The following COL4A4 variants were observed in gnomAD, a reference collection of about 807,000 sequenced individuals.
COL4A4 encodes collagen type IV alpha 4 chain, also known as collagen alpha-4(IV) chain.
A neutral mutation model predicts 192.9 loss-of-function variants in COL4A4; 105 were observed. That is an observed-to-expected ratio of 0.54 (90% CI 0.46 to 0.64). The LOEUF is 0.64. Ranked by LOEUF, COL4A4 falls within the 30% of genes least tolerant of loss-of-function variation. The pLI is 0.00. For synonymous variants in COL4A4, 762 were observed against 769.9 expected, an observed-to-expected ratio of 0.99 and a Z score of 0.17; for missense variants, 1,967 against 2,169.3, an observed-to-expected ratio of 0.91 and a Z score of 1.85.
chr2:226,995,647 C>T, the COL4A4 span: 8 of 706,888 alleles, frequency 1.1e-5, no homozygotes, highest in Admixed American at 2.3e-5. Context: ...TGCTCCAGAT[C>T]GCTCACATCA....
At chr2:227,015,688 C>A (rs1045241898) in intron 44 of COL4A4, among the ~76,000 whole-genome samples, 5 of 152,116 alleles carry the variant, frequency 3.3e-5, no homozygotes, top group Non-Finnish European at 7.3e-5. Flanking sequence ...GAGCAGCTGG[C>A]AGCAAACCAA....
chr2:227,008,280 A>G lies in COL4A4; in HGVS notation c.4547T>C (p.Val1516Ala), dbSNP rs748815893. The G allele has an allele frequency of 1.9e-6, 3 of 1,614,164 alleles. No individual in the cohort carries two copies. The highest frequency in any genetic ancestry group is 1.1e-5 in the South Asian group (1 of 91,078). ...DLGLAGSCLP[V>A]FSTLPFAYCN... ...GTAGGCAAAGGGCAGCGTGCTAAATACGGGAAGGCAAGACCCTGCCAGACC... is the reference window on the plus strand; with the variant it reads ...GTAGGCAAAGGGCAGCGTGCTAAATGCGGGAAGGCAAGACCCTGCCAGACC... Residue 1516 changes from valine to alanine, a missense_variant, in exon 47 of 48, where the codon GTA becomes GCA. Val to Ala is a moderately conservative substitution (Grantham distance 64). Coordinates refer to ENST00000396625, the MANE Select transcript of COL4A4 (RefSeq NM_000092.5).
chr2:227,084,419 G>A (rs2059478348), intron 22 of COL4A4, among the ~76,000 whole-genome samples: 2 of 152,150 alleles, frequency 1.3e-5, no homozygotes, highest in Admixed American at 1.3e-4. Flanking sequence ...GTATTACTCA[G>A]CACATTGGAG....
At chr2:227,145,122 A>G (rs571049419) in intron 2 of COL4A4, among the ~76,000 whole-genome samples, 61 of 152,316 alleles carry the variant, frequency 4.0e-4, no homozygotes, top group Non-Finnish European at 6.6e-4. Flanking sequence ...TATTACAAAC[A>G]AATTTTAACA....
At chr2:227,094,003 C>G in intron 20 of COL4A4, 122 bp downstream of exon 20, 1 of 903,602 alleles carries the variant, frequency 1.1e-6, no homozygotes. Context: ...AAAAGACAAC[C>G]AACTTAGCTC....
chr2:227,107,790 G>A (rs6720472), intron 12 of COL4A4, among the ~76,000 whole-genome samples: 81,731 of 136,396 alleles, frequency 0.6, 23,783 homozygotes, highest in Middle Eastern at 0.71. Flanking sequence ...ACAGAGTCTT[G>A]CTTTGTCACC....
At chr2:227,034,393 C>T (rs927119700) in intron 37 of COL4A4, among the ~76,000 whole-genome samples, 1 of 152,066 alleles carries the variant, frequency 6.6e-6, no homozygotes. Context: ...ATTTATCGAG[C>T]ATCTCCAGGG....
At chr2:227,017,405 A>G (rs1965125787) in intron 44 of COL4A4, among the ~76,000 whole-genome samples, 1 of 152,220 alleles carries the variant, frequency 6.6e-6, no homozygotes, top group African/African-American at 2.4e-5. Flanking sequence ...TTTAAGGAAT[A>G]AAACTAAACA....
chr2:227,123,954 C>A lies in COL4A4; in HGVS notation c.193-2806G>T, dbSNP rs1185019941. 6.6e-6 allele frequency among the ~76,000 whole-genome samples: 1 copy of A among 152,168 alleles called. No individual in the cohort carries two copies. The highest frequency in any genetic ancestry group is 2.4e-5 in the African/African-American group (1 of 41,426). ...GGTATGTTTCTTAACCTCTCTGTTC[C>A]TTGGCATCTTTATCTGTCAATGGCT... On this transcript the variant is annotated intron_variant, in intron 4 of 47. Coordinates refer to ENST00000396625, the MANE Select transcript of COL4A4 (RefSeq NM_000092.5). This position sits in a 1 kb window ranked among gnomAD's most constrained non-coding sequence, Gnocchi z 4.6.
At chr2:226,996,686 C>T in the COL4A4 span, 1 of 152,188 alleles carries the variant, frequency 6.6e-6, no homozygotes, top group South Asian at 2.1e-4. Context: ...AAGAAATATA[C>T]CCAAATCTTA....
At chr2:227,051,325 G>A (rs1005478571) in intron 32 of COL4A4, among the ~76,000 whole-genome samples, 167 bp from the exon 33 acceptor site, 3 of 152,218 alleles carry the variant, frequency 2.0e-5, no homozygotes, top group Non-Finnish European at 4.4e-5. Flanking sequence ...TGACCTCATT[G>A]ATGAAAGAAG....
At chr2:227,073,759 G>T (rs72969758) in intron 25 of COL4A4, among the ~76,000 whole-genome samples, 3,190 of 152,122 alleles carry the variant, frequency 0.021, 50 homozygotes, top group Non-Finnish European at 0.031. Context: ...ACAGCTAACT[G>T]ATCTTTAACA....
chr2:227,104,414 C>CAAA (rs60259710), intron 12 of COL4A4, among the ~76,000 whole-genome samples: 1,545 of 96,814 alleles, frequency 0.016, 35 homozygotes, highest in Middle Eastern at 0.062. Context: ...ACTAAAAATA[C>CAAA]AAAAAAAAAA....
the COL4A4 span, among the ~76,000 whole-genome samples, chr2:226,975,224 G>T: frequency 1.3e-5 from 2 of 152,072 alleles, no homozygotes; most frequent in Non-Finnish European, 2.9e-5. Context: ...ATGTAGAAAA[G>T]GTGGAATCGA....
At chr2:227,140,012 C>T (rs1307763861) in intron 4 of COL4A4, 149 bp downstream of exon 4, 1 of 707,110 alleles carries the variant, frequency 1.4e-6, no homozygotes, top group Non-Finnish European at 2.6e-6. Flanking sequence ...GTTGAGATTG[C>T]TATTAGAATG....
chr2:227,159,295 C>G (rs1678894077), intron 1 of COL4A4, among the ~76,000 whole-genome samples: 3 of 152,104 alleles, frequency 2.0e-5, no homozygotes, highest in African/African-American at 2.4e-5. Flanking sequence ...GAAAGCAGAT[C>G]AGTAGTGGTC....
chr2:227,062,613 GA>G lies in COL4A4; in HGVS notation c.1988-16del. ...AATTGTGTCACCTGCAATGAGAAAAGAAAAGCGGCATTCACATAACTGATAG... is the reference window on the plus strand; with the variant it reads ...AATTGTGTCACCTGCAATGAGAAAAGAAAGCGGCATTCACATAACTGATAG... On this transcript the variant is annotated splice_polypyrimidine_tract_variant and intron_variant, in intron 25 of 47. Transcript: ENST00000396625. The G allele has an allele frequency of 6.2e-7, 1 of 1,601,732 alleles. No individual in the cohort carries two copies. The highest frequency in any genetic ancestry group is 8.6e-7 in the Non-Finnish European group (1 of 1,168,838).
chr2:227,041,846 A>AAGAAAGAGAGAGAGAGAG (rs1559478097), intron 37 of COL4A4, among the ~76,000 whole-genome samples: 4 of 39,296 alleles, frequency 1.0e-4, no homozygotes, highest in African/African-American at 1.4e-4. Flanking sequence ...GAAAGAAAGA[A>AAGAAAGAGAGAGAGAGAG]AGAGAAAGAA....
chr2:227,017,865 A>T (rs1965240130), intron 44 of COL4A4, among the ~76,000 whole-genome samples: 1 of 152,066 alleles, frequency 6.6e-6, no homozygotes, highest in Admixed American at 6.6e-5. Context: ...AACTCATGTC[A>T]TGGAGGTTTG....
Sources: allele counts gnomAD v4.1 joint callset (sites outside exome capture counted in the v4.1 genomes callset), GRCh38; gene constraint gnomAD v4.1.1; non-coding constraint Gnocchi (gnomAD v3.1); transcripts MANE v1.5; gene names NCBI Gene and HGNC (gene_info 2026-07-23, HGNC 2026-07-21).